The following PSMA3 variants were observed in gnomAD, a reference collection of about 807,000 sequenced individuals.
PSMA3 encodes proteasome subunit alpha type-3.
A neutral mutation model predicts 40.0 loss-of-function variants in PSMA3; 8 were observed. The ratio of observed to expected loss-of-function variants is 0.20; its 90% confidence interval spans 0.12 to 0.36. The LOEUF (loss-of-function observed/expected upper bound fraction) is 0.36. Among genes scored for constraint, PSMA3 ranks in the 10% least tolerant of loss-of-function variants. The pLI, the probability that PSMA3 is intolerant of heterozygous loss-of-function variation, is 1.00. For missense variants in PSMA3, 219 were observed against 310.6 expected, an observed-to-expected ratio of 0.70 and a Z score of 2.22; for synonymous variants, 110 against 100.0, an observed-to-expected ratio of 1.10 and a Z score of -0.59.
chr14:58,257,622 C>G (rs948988382), intron 3 of PSMA3, 123 bp from the exon 4 acceptor site: 2 of 788,822 alleles, frequency 2.5e-6, no homozygotes, highest in South Asian at 1.8e-5. Context: ...GACCTTTAAG[C>G]CAAAAAAGTT....
chr14:58,268,899 A>C (rs972768674), intron 8 of PSMA3: 1 of 152,112 alleles, frequency 6.6e-6, no homozygotes, highest in African/African-American at 2.4e-5. Context: ...AGTGCATAGT[A>C]TTAGATAAAG....
intron 5 of PSMA3, 92 bp from the exon 6 acceptor site, chr14:58,260,856 G>T: frequency 1.1e-6 from 1 of 902,932 alleles, no homozygotes; most frequent in Non-Finnish European, 1.7e-6. Context: ...ATTTATCTCA[G>T]AAAGAAAATA....
At chr14:58,256,445 C>T (rs1207341185) in intron 3 of PSMA3, among the ~76,000 whole-genome samples, 5 of 144,318 alleles carry the variant, frequency 3.5e-5, no homozygotes, top group South Asian at 2.2e-4. Context: ...GATGGAGTCT[C>T]GCTCTGTTGC....
intron 3 of PSMA3, among the ~76,000 whole-genome samples, chr14:58,255,662 G>A (rs1048356081): frequency 6.6e-6 from 1 of 152,122 alleles, no homozygotes; most frequent in African/African-American, 2.4e-5. Context: ...CCAGCTACTC[G>A]GGAGGCTGAG....
At chr14:58,253,481 G>A (rs962663285) in intron 3 of PSMA3, among the ~76,000 whole-genome samples, 1 of 152,004 alleles carries the variant, frequency 6.6e-6, no homozygotes, top group African/African-American at 2.4e-5. Context: ...AAAAAGTACT[G>A]GTAAAGTATA....
intron 5 of PSMA3, among the ~76,000 whole-genome samples, chr14:58,260,686 C>G (rs1055931953): frequency 6.6e-6 from 1 of 152,164 alleles, no homozygotes; most frequent in Non-Finnish European, 1.5e-5. Context: ...TCTATCGTTA[C>G]TCCTTTCCCT....
intron 3 of PSMA3, among the ~76,000 whole-genome samples, chr14:58,256,510 G>A (rs1890148657): frequency 6.7e-6 from 1 of 150,112 alleles, no homozygotes; most frequent in Non-Finnish European, 1.5e-5. Flanking sequence ...CGCCTCCCAG[G>A]TTCAAGCAAT....
intron 6 of PSMA3, among the ~76,000 whole-genome samples, chr14:58,262,152 C>A (rs1205097398): frequency 6.6e-6 from 1 of 152,152 alleles, no homozygotes; most frequent in Non-Finnish European, 1.5e-5. Context: ...TGGTCTCCAA[C>A]TCCTGACCTC....
chr14:58,253,124 A>G (rs1283952291), intron 3 of PSMA3, among the ~76,000 whole-genome samples: 1 of 151,884 alleles, frequency 6.6e-6, no homozygotes, highest in Non-Finnish European at 1.5e-5. Context: ...AGCTGGGACT[A>G]CAGGTGCCCA....
At chr14:58,265,836 G>T (rs772715005) in intron 7 of PSMA3, 2 of 152,120 alleles carry the variant, frequency 1.3e-5, no homozygotes, top group Non-Finnish European at 2.9e-5. Flanking sequence ...AACTTAACAT[G>T]AAGAACTGTA....
chr14:58,253,968 G>T lies in PSMA3; in HGVS notation c.228+1726G>T, dbSNP rs367956337. 3.3e-3 allele frequency among the ~76,000 whole-genome samples: 504 copies of T among 151,662 alleles called. 2 individuals carry two copies. The highest frequency in any genetic ancestry group is 0.011 in the African/African-American group (450 of 41,388). Reference sequence around the variant, plus strand: ...TACATTTTCTTTTTACTGTTTTTTTGTTGTTGTTGTTGTACAGATTTTTCT... The same window carrying T: ...TACATTTTCTTTTTACTGTTTTTTTTTTGTTGTTGTTGTACAGATTTTTCT... On this transcript the variant is annotated intron_variant, in intron 3 of 10. Transcript: ENST00000216455.
At chr14:58,254,181 T>G (rs1318936994) in intron 3 of PSMA3, among the ~76,000 whole-genome samples, 1 of 151,164 alleles carries the variant, frequency 6.6e-6, no homozygotes, top group Non-Finnish European at 1.5e-5. Flanking sequence ...TTGTATTAGT[T>G]TGCTAAGAAT....
intron 8 of PSMA3, 84 bp from the exon 9 acceptor site, chr14:58,270,334 T>G: frequency 6.4e-7 from 1 of 1,551,032 alleles, no homozygotes; most frequent in Non-Finnish European, 8.7e-7. Flanking sequence ...GGATGGACAT[T>G]CTAATTTGTA....
intron 8 of PSMA3, chr14:58,268,641 C>G (rs1890515373): frequency 6.6e-6 from 1 of 152,190 alleles, no homozygotes. Context: ...AGTATGTTAT[C>G]ATGATATACT....
At chr14:58,266,065 T>C (rs1180250668) in intron 7 of PSMA3, 1 of 152,256 alleles carries the variant, frequency 6.6e-6, no homozygotes, top group Non-Finnish European at 1.5e-5. Flanking sequence ...TATTTCAAAC[T>C]ATCAAGGTTC....
intron 7 of PSMA3, chr14:58,266,946 C>T (rs775558056): frequency 6.6e-6 from 1 of 152,154 alleles, no homozygotes; most frequent in Non-Finnish European, 1.5e-5. Context: ...AATTTTGTCA[C>T]AAAGTTAGTG....
rs547607067 is a variant in PSMA3 at position 58,262,423 on chromosome 14, C to T, written c.478-1282C>T. ...GTTTCACCATGTTAGCCAGGCTGGT[C>T]TCGAACTCCTGATCTCAAGTAATCC... On this transcript the variant is annotated intron_variant, in intron 6 of 10. Coordinates refer to ENST00000216455, the MANE Select transcript of PSMA3 (RefSeq NM_002788.4). Among the ~76,000 whole-genome samples the T allele has an allele frequency of 1.7e-3, 266 of 152,306 alleles. 3 individuals are homozygous for T. Among genetic ancestry groups the T allele is most frequent in the Non-Finnish European group, 3.3e-3 (226 of 68,030 alleles).
At chr14:58,271,327 C>CTTTTTTT (rs60528514) in intron 10 of PSMA3, among the ~76,000 whole-genome samples, 5 of 102,376 alleles carry the variant, frequency 4.9e-5, no homozygotes, top group Admixed American at 1.3e-4. Context: ...AATATTTGTT[C>CTTTTTTT]TTTTTTTTTT....
intron 6 of PSMA3, among the ~76,000 whole-genome samples, chr14:58,263,167 T>C (rs1056923537): frequency 6.6e-6 from 1 of 151,942 alleles, no homozygotes; most frequent in African/African-American, 2.4e-5. Flanking sequence ...GTATTTTTAG[T>C]AGAGACAGGG....
Sources: allele counts gnomAD v4.1 joint callset (sites outside exome capture counted in the v4.1 genomes callset), GRCh38; gene constraint gnomAD v4.1.1; transcripts MANE v1.5; gene names NCBI Gene and HGNC (gene_info 2026-07-23, HGNC 2026-07-21).